HSDL2: variants seen among roughly 807,000 people sequenced by gnomAD.
The protein encoded by HSDL2 is hydroxysteroid dehydrogenase like 2.
Under a neutral mutation model 46.3 loss-of-function variants are expected in HSDL2, and 27 were observed. The observed-to-expected ratio is 0.58, with a 90% CI of 0.43 to 0.80. The LOEUF is 0.80. Among genes scored for constraint, HSDL2 ranks in the 30% least tolerant of loss-of-function variants. The pLI is 0.00. For missense variants in HSDL2, 451 were observed against 502.7 expected (o/e 0.90, Z 0.98); for synonymous variants, 153 against 163.6 (o/e 0.94, Z 0.50).
rs1218948363 is a variant in HSDL2, at chr9:112,403,908, T to C, written c.18-87T>C. ...AAAATTTCACAGAGGAGGAAACATA[T>C]ATTATGAAAATATGCATGAGGTTCT... On this transcript the variant is annotated intron_variant, in intron 1 of 10. Transcript: ENST00000398805. 7 of 1,368,440 alleles carry C rather than the reference T, an allele frequency of 5.1e-6. No homozygotes were observed. In the East Asian group the frequency reaches 7.0e-5, roughly 14 times the overall value. The allele number at this position is 1,368,440 out of a possible 1,614,324, so 84.8% of individuals were successfully genotyped here. A position where few individuals can be genotyped will look rare whatever the true frequency, so the allele number is the denominator to read the frequency against.
chr9:112,414,927 G>A (rs1234219037), intron 4 of HSDL2, among the ~76,000 whole-genome samples: 1 of 149,458 alleles, frequency 6.7e-6, no homozygotes, highest in African/African-American at 2.5e-5. Flanking sequence ...GAATGAACTA[G>A]TTCATTCACA....
intron 8 of HSDL2, among the ~76,000 whole-genome samples, chr9:112,449,220 A>G (rs571651069): frequency 8.3e-4 from 126 of 151,460 alleles, no homozygotes; most frequent in Non-Finnish European, 1.3e-3. Flanking sequence ...CTGAGTAGCT[A>G]GGATTACAGG....
At chr9:112,470,403 C>G (rs759396563) in intron 10 of HSDL2, 29 bp from the exon 11 acceptor site, 1 of 1,434,084 alleles carries the variant, frequency 7.0e-7, no homozygotes. Flanking sequence ...CTAATGGTTG[C>G]TTTTCCCTCT....
intron 2 of HSDL2, 122 bp from the exon 3 acceptor site, chr9:112,405,502 T>C (rs753810302): frequency 3.0e-5 from 19 of 636,922 alleles, no homozygotes; most frequent in Admixed American, 6.0e-5. Flanking sequence ...GGTGGTAAGA[T>C]AGAGTTATTT....
intron 7 of HSDL2, among the ~76,000 whole-genome samples, chr9:112,440,880 C>T (rs1832623375): frequency 1.3e-5 from 2 of 152,256 alleles, no homozygotes; most frequent in South Asian, 4.1e-4. Context: ...TAGTGATGGG[C>T]ACCTGTAATC....
chr9:112,400,394 G>A (rs1006740176), intron 1 of HSDL2, among the ~76,000 whole-genome samples: 1 of 152,294 alleles, frequency 6.6e-6, no homozygotes, highest in Admixed American at 6.5e-5. Context: ...AGATCATGAG[G>A]TCAAGAGATC....
At chr9:112,460,684 T>C (rs1355341773) in intron 10 of HSDL2, among the ~76,000 whole-genome samples, 5 of 152,166 alleles carry the variant, frequency 3.3e-5, no homozygotes, top group Admixed American at 3.3e-4. Flanking sequence ...AGGTGAAGGC[T>C]GCAGTAAGTT....
At chr9:112,436,361 C>T (rs1832523867) in intron 6 of HSDL2, among the ~76,000 whole-genome samples, 1 of 149,056 alleles carries the variant, frequency 6.7e-6, no homozygotes, top group Non-Finnish European at 1.5e-5. Context: ...GAACATTAAA[C>T]AAAATAGGGA....
At chr9:112,412,301 T>C (rs1423446319) in intron 4 of HSDL2, among the ~76,000 whole-genome samples, 1 of 152,214 alleles carries the variant, frequency 6.6e-6, no homozygotes, top group Non-Finnish European at 1.5e-5. Flanking sequence ...GACTGGGTTT[T>C]CATGACATGA....
intron 6 of HSDL2, among the ~76,000 whole-genome samples, chr9:112,421,416 A>C (rs1832119471): frequency 6.6e-6 from 1 of 152,152 alleles, no homozygotes; most frequent in Non-Finnish European, 1.5e-5. Context: ...TGGCCCCTCT[A>C]CGAGGAACCA....
chr9:112,387,104 G>A (rs1433715633), intron 1 of HSDL2, among the ~76,000 whole-genome samples: 2 of 152,006 alleles, frequency 1.3e-5, no homozygotes, highest in African/African-American at 4.8e-5. Flanking sequence ...AGAAATTATT[G>A]TTAATTTTCT....
chr9:112,391,720 A>C (rs1477858664), intron 1 of HSDL2, among the ~76,000 whole-genome samples: 8 of 152,096 alleles, frequency 5.3e-5, no homozygotes, highest in East Asian at 3.9e-4. Flanking sequence ...AGCCCAACCA[A>C]AATGGAGAAA....
chr9:112,466,713 G>T (rs7035293), intron 10 of HSDL2, among the ~76,000 whole-genome samples: 145,317 of 152,150 alleles, frequency 0.96, 69,457 homozygotes, highest in African/African-American at 0.98. Context: ...TATTTTTTTT[G>T]ATTTTTACTT....
At chr9:112,407,635 T>C (rs1443939085) in intron 3 of HSDL2, among the ~76,000 whole-genome samples, 3 of 152,204 alleles carry the variant, frequency 2.0e-5, no homozygotes, top group Non-Finnish European at 4.4e-5. Flanking sequence ...CAGGCTGGTC[T>C]CAAACTCCTG....
chr9:112,396,303 G>A (rs1446981495), intron 1 of HSDL2, among the ~76,000 whole-genome samples: 1 of 152,074 alleles, frequency 6.6e-6, no homozygotes, highest in East Asian at 1.9e-4. Context: ...CATTTTAGTG[G>A]GATGTTTAGG....
chr9:112,464,240 ACACACACACACACACAC>A (rs1833310147), intron 10 of HSDL2, among the ~76,000 whole-genome samples: 1 of 53,904 alleles, frequency 1.9e-5, no homozygotes, highest in African/African-American at 6.0e-5. Context: ...ACACACACAC[ACACACACACACACACAC>A]AAGTAAAATT....
chr9:112,436,982 C>T (rs1405886436), intron 6 of HSDL2, among the ~76,000 whole-genome samples: 38 of 82,740 alleles, frequency 4.6e-4, no homozygotes, highest in South Asian at 4.4e-3. Context: ...TTTTTTGAGA[C>T]GGAGTCTCGC....
chr9:112,412,971 C>G (rs536898087), intron 4 of HSDL2, among the ~76,000 whole-genome samples: 1 of 151,890 alleles, frequency 6.6e-6, no homozygotes, highest in African/African-American at 2.4e-5. Context: ...AATTAAAACT[C>G]TCGCACAAAG....
Position 112,423,860 on chromosome 9 carries a change from C to T in HSDL2, c.598+4902C>T, listed in dbSNP as rs539937411. Reference sequence around the variant, plus strand: ...TCCCGAATGGCTGGGATTACAGGCACTCGCCCCCACGCCCAGCTAATTTTT... The same window carrying T: ...TCCCGAATGGCTGGGATTACAGGCATTCGCCCCCACGCCCAGCTAATTTTT... On this transcript the variant is annotated intron_variant, in intron 6 of 10. Coordinates refer to ENST00000398805, the MANE Select transcript of HSDL2 (RefSeq NM_032303.5). Among the ~76,000 whole-genome samples, 10 of 151,394 alleles carry T rather than the reference C, an allele frequency of 6.6e-5. No individual in the cohort carries two copies. In the South Asian group the frequency reaches 8.4e-4, roughly 13 times the overall value.
Sources: allele counts gnomAD v4.1 joint callset (sites outside exome capture counted in the v4.1 genomes callset), GRCh38; gene constraint gnomAD v4.1.1; transcripts MANE v1.5; gene names NCBI Gene and HGNC (gene_info 2026-07-23, HGNC 2026-07-21).